Variants in GALNT18 observed in about 807,000 individuals in gnomAD.
The protein encoded by GALNT18 is polypeptide N-acetylgalactosaminyltransferase 18.
In GALNT18, 44 loss-of-function variants were observed where a neutral mutation model predicts 69.5. That is an observed-to-expected ratio of 0.63 (90% CI 0.50 to 0.81). The LOEUF is 0.81. GALNT18 is among the 40% of genes least tolerant of loss of function. GALNT18 has a pLI of 0.00. For synonymous variants in GALNT18, 364 were observed against 318.2 expected (o/e 1.14, Z -1.53); for missense variants, 715 against 810.0 (o/e 0.88, Z 1.42).
rs542180341 is a variant in GALNT18, at chr11:11,424,115, C to A, written c.595+8506G>T. On this transcript the variant is annotated intron_variant, in intron 3 of 10. Transcript: ENST00000227756. ...GGGAAACCCTTCCTGGCCAAGCCTG[C>A]CTGCTGCCCCCAACAAAGTAGATGC... is the stretch of plus-strand genomic sequence containing the variant. Among the ~76,000 whole-genome samples, 502 of 152,322 alleles carry A rather than the reference C, an allele frequency of 3.3e-3. 5 individuals are homozygous for A. The highest frequency in any genetic ancestry group is 4.3e-3 in the Admixed American group (66 of 15,310).
chr11:11,351,001 G>A (rs1850390122), intron 6 of GALNT18, among the ~76,000 whole-genome samples: 1 of 152,184 alleles, frequency 6.6e-6, no homozygotes, highest in African/African-American at 2.4e-5. Context: ...TGACCAAAGA[G>A]GCATGGTCCC....
chr11:11,457,429 C>A (rs907583565), intron 1 of GALNT18, among the ~76,000 whole-genome samples: 2 of 152,192 alleles, frequency 1.3e-5, no homozygotes, highest in Non-Finnish European at 2.9e-5. Context: ...GTAGCCTGGA[C>A]CTCTTCCTAG....
At position 11,309,255 on chromosome 11, in the gene GALNT18, C is replaced by T. The variant is rs1204776144; in HGVS notation, c.1513-16062G>A. Among the ~76,000 whole-genome samples the T allele has an allele frequency of 6.6e-6, 1 of 152,172 alleles. No homozygotes were observed. Among genetic ancestry groups the T allele is most frequent in the Non-Finnish European group, 1.5e-5 (1 of 68,028 alleles). The stretch of plus-strand genomic sequence containing the variant: ...GGCCCCTTGATATTGGCCTTCCCAG[C>T]TTCCATAGCCATGAGCTGATGAATT... On this transcript the variant is annotated intron_variant, in intron 9 of 10. Transcript: ENST00000227756. This position sits in a 1 kb window ranked among gnomAD's most constrained non-coding sequence, Gnocchi z 4.6.
At chr11:11,509,220 G>A (rs1192257599) in intron 1 of GALNT18, among the ~76,000 whole-genome samples, 1 of 151,940 alleles carries the variant, frequency 6.6e-6, no homozygotes, top group Non-Finnish European at 1.5e-5. Context: ...TAGGGCCCTT[G>A]GTATCTAAAT....
chr11:11,604,050 A>G lies in GALNT18; in HGVS notation c.235+17309T>C, dbSNP rs1363537303. ...TGTCTATTCTACCATGTGAAACACA[A>G]AGGTGCCATCTACGAGCAAGAAATT... On this transcript the variant is annotated intron_variant, in intron 1 of 10. Coordinates refer to ENST00000227756, the MANE Select transcript of GALNT18 (RefSeq NM_198516.3). The surrounding 1 kb of genome is among the most constrained non-coding windows in gnomAD (Gnocchi z 5.6). 6.6e-6 allele frequency among the ~76,000 whole-genome samples: 1 copy of G among 152,190 alleles called. No individual in the cohort carries two copies. The highest frequency in any genetic ancestry group is 6.5e-5 in the Admixed American group (1 of 15,286).
In GALNT18 at chr11:11,432,697, G is replaced by A. The variant is rs1855299542; in HGVS notation, c.519C>T (p.Ser173=). 6 of 1,613,778 alleles carry A rather than the reference G, an allele frequency of 3.7e-6. No individual in the cohort carries two copies. The highest frequency in any genetic ancestry group is 5.1e-6 in the Non-Finnish European group (6 of 1,179,880). Residue 173 remains serine, a synonymous_variant, in exon 3 of 11, where the codon TCC becomes TCT. Transcript: ENST00000227756. The surrounding 1 kb of genome is among the most constrained non-coding windows in gnomAD (Gnocchi z 5.8). ...VNEALSVLLR[S]IHSAMERTPP... is the part of the protein sequence containing the mutation. ...GCGTGCGTTCCATGGCCGAGTGGAT[G>A]GAGCGCAGCAGCACTGAAAGCGCTT...
intron 9 of GALNT18, among the ~76,000 whole-genome samples, chr11:11,295,237 G>T (rs1849377702): frequency 6.6e-6 from 1 of 152,136 alleles, no homozygotes; most frequent in Non-Finnish European, 1.5e-5. Flanking sequence ...TTTCGCCAGT[G>T]TATCAGTCAA....
chr11:11,288,609 A>C (rs1433753754), intron 10 of GALNT18, among the ~76,000 whole-genome samples: 1 of 152,132 alleles, frequency 6.6e-6, no homozygotes, highest in Non-Finnish European at 1.5e-5. Context: ...ATGTTTGATG[A>C]ACGACTAAAG....
chr11:11,365,621 T>G (rs181794611), intron 6 of GALNT18, among the ~76,000 whole-genome samples: 1 of 152,328 alleles, frequency 6.6e-6, no homozygotes, highest in Admixed American at 6.5e-5. Flanking sequence ...TGTATAAGCA[T>G]TCCTATTTCT....
At position 11,347,383 on chromosome 11, in the gene GALNT18, A is replaced by G. The variant is rs1035666235; in HGVS notation, c.1093-6379T>C. 2.0e-5 allele frequency among the ~76,000 whole-genome samples: 3 copies of G among 152,232 alleles called. No individual in the cohort carries two copies. Among genetic ancestry groups the G allele is most frequent in the African/African-American group, 7.2e-5 (3 of 41,462 alleles). ...CTCCATAGTCTATGACAGGGATGGCAAATGAGTTTACACTCCTGTGTGAAA... is the reference window on the plus strand; with the variant it reads ...CTCCATAGTCTATGACAGGGATGGCGAATGAGTTTACACTCCTGTGTGAAA... On this transcript the variant is annotated intron_variant, in intron 6 of 10. Coordinates refer to ENST00000227756, the MANE Select transcript of GALNT18 (RefSeq NM_198516.3). This position sits in a 1 kb window ranked among gnomAD's most constrained non-coding sequence, Gnocchi z 4.0.
chr11:11,383,172 G>A lies in GALNT18; in HGVS notation c.596-3908C>T, dbSNP rs1054761042. On this transcript the variant is annotated intron_variant, in intron 3 of 10. Coordinates refer to ENST00000227756, the MANE Select transcript of GALNT18 (RefSeq NM_198516.3). This position sits in a 1 kb window ranked among gnomAD's most constrained non-coding sequence, Gnocchi z 5.2. The stretch of plus-strand genomic sequence containing the variant: ...CATCCCCACGGGGAGCCTCCTCTCC[G>A]GGCCTGCTCAGGGCAGGCTGCTTGC... Among the ~76,000 whole-genome samples, 7 of 152,092 alleles carry A rather than the reference G, an allele frequency of 4.6e-5. No homozygotes were observed. Among genetic ancestry groups the A allele is most frequent in the African/African-American group, 1.2e-4 (5 of 41,406 alleles).
At position 11,340,885 on chromosome 11, in the gene GALNT18, C is replaced by T. The variant is rs1054236983; in HGVS notation, c.1212G>A (p.Arg404=). The T allele has an allele frequency of 6.2e-7, 1 of 1,614,084 alleles. No homozygotes were observed. The highest frequency in any genetic ancestry group is 8.5e-7 in the Non-Finnish European group (1 of 1,179,972). ...LTAHVRRNAL[R]VAEVWMDEFK... Reference sequence around the variant, plus strand: ...ATTCATCCATCCAGACTTCAGCCACCCTGAGAGCGTTCCTGCGGACATGGG... The same window carrying T: ...ATTCATCCATCCAGACTTCAGCCACTCTGAGAGCGTTCCTGCGGACATGGG... Residue 404 remains arginine, a synonymous_variant, in exon 7 of 11, where the codon AGG becomes AGA. Coordinates refer to ENST00000227756, the MANE Select transcript of GALNT18 (RefSeq NM_198516.3). The surrounding 1 kb of genome is among the most constrained non-coding windows in gnomAD (Gnocchi z 4.2).
chr11:11,419,512 G>T (rs1227339364), intron 3 of GALNT18, among the ~76,000 whole-genome samples: 2 of 143,810 alleles, frequency 1.4e-5, no homozygotes, highest in East Asian at 4.3e-4. Flanking sequence ...CATGAGAATT[G>T]CTTGAACCCA....
intron 9 of GALNT18, among the ~76,000 whole-genome samples, chr11:11,308,381 T>G (rs1849613640): frequency 6.6e-6 from 1 of 152,172 alleles, no homozygotes; most frequent in Non-Finnish European, 1.5e-5. Flanking sequence ...TTGTGGGGGT[T>G]TCTTATCCTC....
At chr11:11,424,941 C>T (rs1485209433) in intron 3 of GALNT18, among the ~76,000 whole-genome samples, 2 of 152,200 alleles carry the variant, frequency 1.3e-5, no homozygotes, top group East Asian at 3.9e-4. Flanking sequence ...GGAAGAAGTG[C>T]ATGCTGGACA....
chr11:11,284,487 C>G (rs1390612685), intron 10 of GALNT18, among the ~76,000 whole-genome samples: 2 of 152,176 alleles, frequency 1.3e-5, no homozygotes, highest in East Asian at 3.9e-4. Flanking sequence ...GCTATGACCC[C>G]CTTTCAGGAA....
At chr11:11,560,985 C>T (rs1858491530) in intron 1 of GALNT18, among the ~76,000 whole-genome samples, 1 of 152,204 alleles carries the variant, frequency 6.6e-6, no homozygotes, top group African/African-American at 2.4e-5. Context: ...CCATGGAAAA[C>T]TCATTTTATT....
At chr11:11,331,750 G>A (rs1850020186) in intron 8 of GALNT18, among the ~76,000 whole-genome samples, 1 of 152,116 alleles carries the variant, frequency 6.6e-6, no homozygotes, top group African/African-American at 2.4e-5. Flanking sequence ...CTGTGACATG[G>A]AGATAATATA....
intron 6 of GALNT18, among the ~76,000 whole-genome samples, chr11:11,355,041 ATTT>A (rs975581280): frequency 1.1e-4 from 16 of 152,068 alleles, no homozygotes; most frequent in South Asian, 2.1e-4. Context: ...AGTCCCTATT[ATTT>A]TTGTGTGGGC....
Sources: gnomAD v4.1 joint callset for allele counts (sites outside exome capture counted in the v4.1 genomes callset) on GRCh38, gnomAD v4.1.1 for gene constraint, Gnocchi (gnomAD v3.1) non-coding constraint, MANE v1.5 for transcripts, NCBI Gene and HGNC (gene_info 2026-07-23, HGNC 2026-07-21) for gene names.